Variants in PMM2 observed in about 807,000 individuals in gnomAD.
The protein encoded by PMM2 is phosphomannomutase 2.
In PMM2, 35 loss-of-function variants were observed where a neutral mutation model predicts 33.2. That is an observed-to-expected ratio of 1.06 (90% confidence interval 0.81 to 1.40). The LOEUF is 1.40. PMM2 is among the 40% of genes most tolerant of loss of function. The pLI is 0.00. For missense variants in PMM2, 386 were observed against 306.0 expected (o/e 1.26, Z -1.95); for synonymous variants, 153 against 114.7 (o/e 1.33, Z -2.13).
At chr16:8,827,849 A>ATGTTATATAT (rs2060783673) in intron 7 of PMM2, among the ~76,000 whole-genome samples, 1 of 61,434 alleles carries the variant, frequency 1.6e-5, no homozygotes, top group African/African-American at 6.2e-5. Context: ...ATAATATATA[A>ATGTTATATAT]TATATATGTT....
chr16:8,831,917 T>G, intron 7 of PMM2, among the ~76,000 whole-genome samples: 1 of 152,164 alleles, frequency 6.6e-6, no homozygotes, highest in Non-Finnish European at 1.5e-5. Flanking sequence ...CATTCTTCCC[T>G]CCCCCCTTCC....
intron 7 of PMM2, among the ~76,000 whole-genome samples, chr16:8,822,076 C>T (rs954322589): frequency 6.6e-6 from 1 of 152,158 alleles, no homozygotes; most frequent in Non-Finnish European, 1.5e-5. Context: ...TTTTATTATT[C>T]CTCAAATCAG....
At position 8,797,957 on chromosome 16, in the gene PMM2, C is replaced by T; in HGVS notation, c.66+9C>T. 6.3e-7 allele frequency: 1 copy of T among 1,596,040 alleles called. No homozygotes were observed. Among genetic ancestry groups the T allele is most frequent in the Non-Finnish European group, 8.5e-7 (1 of 1,172,374 alleles). The stretch of plus-strand genomic sequence containing the variant: ...TCACCGCCCCGCGGCAGGTAAGTGG[C>T]GGCCGGCGGGCTGCTGGCAGCCGAC... On this transcript the variant is annotated intron_variant, in intron 1 of 7. Coordinates refer to ENST00000268261, the MANE Select transcript of PMM2 (RefSeq NM_000303.3).
intron 7 of PMM2, among the ~76,000 whole-genome samples, chr16:8,821,787 G>A (rs868029968): frequency 6.6e-6 from 1 of 152,208 alleles, no homozygotes; most frequent in African/African-American, 2.4e-5. Context: ...CTCAGCCCTG[G>A]ATATATATTG....
chr16:8,829,735 C>G (rs141261937), intron 7 of PMM2, among the ~76,000 whole-genome samples: 6 of 152,174 alleles, frequency 3.9e-5, no homozygotes, highest in African/African-American at 1.2e-4. Flanking sequence ...CTTCTGCTGA[C>G]AAGTCCTTCA....
chr16:8,804,341 A>G (rs942360024), intron 2 of PMM2, among the ~76,000 whole-genome samples: 2 of 151,850 alleles, frequency 1.3e-5, no homozygotes, highest in African/African-American at 4.8e-5. Flanking sequence ...ACCGCACCCG[A>G]CCCAAAGAGC....
chr16:8,835,583 C>T (rs372302554), intron 7 of PMM2, among the ~76,000 whole-genome samples: 2 of 151,600 alleles, frequency 1.3e-5, no homozygotes, highest in African/African-American at 4.9e-5. Flanking sequence ...TTTGGCACCA[C>T]GGGGTGGATA....
intron 7 of PMM2, among the ~76,000 whole-genome samples, chr16:8,824,550 G>A (rs535932158): frequency 7.8e-4 from 118 of 152,184 alleles, no homozygotes; most frequent in Middle Eastern, 3.4e-3. Flanking sequence ...ATAGTTATAC[G>A]ACTATAAACC....
intron 7 of PMM2, chr16:8,832,482 ACTCGTGCCGTTAGG>A: frequency 2.0e-6 from 2 of 985,248 alleles, no homozygotes; most frequent in Non-Finnish European, 2.4e-6. Flanking sequence ...ACGGGAGGAG[ACTCGTGCCGTTAGG>A]CCTCTGTCCC....
chr16:8,827,895 TATGATA>T lies in PMM2; in HGVS notation c.639+14790_639+14795del, dbSNP rs1286467438. ...TATATGTTATATAATATATGATATATATGATATATATTATATATATTATGTTTTATA... is the reference window on the plus strand; with the variant it reads ...TATATGTTATATAATATATGATATATTATATTATATATATTATGTTTTATA... On this transcript the variant is annotated intron_variant, in intron 7 of 7. Coordinates refer to ENST00000268261, the MANE Select transcript of PMM2 (RefSeq NM_000303.3). Among the ~76,000 whole-genome samples, 743 of 103,898 alleles carry T rather than the reference TATGATA, an allele frequency of 7.2e-3. 1 individual carries two copies. The highest frequency in any genetic ancestry group is 0.01 in the Non-Finnish European group (527 of 51,788). 68.2% of individuals were successfully genotyped at this position (103,898 alleles called of 152,430 possible).
At chr16:8,845,995 C>T (rs1273022589) in intron 7 of PMM2, among the ~76,000 whole-genome samples, 1 of 152,116 alleles carries the variant, frequency 6.6e-6, no homozygotes, top group African/African-American at 2.4e-5. Context: ...GTGTAGGTAG[C>T]AGATGGTGGC....
intron 7 of PMM2, among the ~76,000 whole-genome samples, chr16:8,837,090 A>G (rs1216747835): frequency 4.6e-5 from 7 of 151,846 alleles, no homozygotes; most frequent in African/African-American, 1.7e-4. Flanking sequence ...GTCTGTAGAA[A>G]AGGAATATTA....
At chr16:8,827,471 C>G (rs1379531260) in intron 7 of PMM2, among the ~76,000 whole-genome samples, 1 of 150,466 alleles carries the variant, frequency 6.6e-6, no homozygotes, top group African/African-American at 2.4e-5. Context: ...TCTAAGCTCA[C>G]TGCAGCCTCT....
chr16:8,807,163 ATTTTT>A (rs34373172), intron 4 of PMM2: 2 of 141,360 alleles, frequency 1.4e-5, no homozygotes, highest in East Asian at 4.2e-4. Flanking sequence ...TGCCCAGCTA[ATTTTT>A]TTTTTTTTTT....
At chr16:8,837,181 G>C (rs1317619431) in intron 7 of PMM2, among the ~76,000 whole-genome samples, 1 of 151,942 alleles carries the variant, frequency 6.6e-6, no homozygotes, top group African/African-American at 2.4e-5. Context: ...GAGTTGCACT[G>C]GGCACAGAGA....
intron 7 of PMM2, among the ~76,000 whole-genome samples, chr16:8,828,508 G>T (rs2060791461): frequency 6.6e-6 from 1 of 152,100 alleles, no homozygotes; most frequent in African/African-American, 2.4e-5. Context: ...AATTCTTAAG[G>T]CTAGACATGA....
chr16:8,801,355 G>C (rs1471136217), intron 1 of PMM2, among the ~76,000 whole-genome samples: 2 of 152,196 alleles, frequency 1.3e-5, no homozygotes, highest in African/African-American at 2.4e-5. Context: ...ACTATGTACA[G>C]AGCTGGTAAC....
chr16:8,847,743 T>G lies in PMM2; in HGVS notation c.659T>G (p.Ile220Ser). The G allele has an allele frequency of 6.2e-7, 1 of 1,613,846 alleles. No individual in the cohort carries two copies. The highest frequency in any genetic ancestry group is 2.2e-5 in the East Asian group (1 of 44,884). The change falls in exon 8 of 8, where the codon ATC becomes AGC. Residue 220 changes from isoleucine to serine, a missense_variant. Physicochemically the swap from Ile to Ser is moderately radical, Grantham distance 142. Transcript: ENST00000268261. ...KTMPGGNDHE[I>S]FTDPRTMGYS... ...TTCCAGGGTGGCAATGACCATGAGA[T>G]CTTCACAGACCCCAGAACCATGGGC...
chr16:8,844,992 A>G (rs1016997347), intron 7 of PMM2, among the ~76,000 whole-genome samples: 5 of 152,352 alleles, frequency 3.3e-5, no homozygotes, highest in Admixed American at 6.5e-5. Context: ...TTGATCTCCC[A>G]AGGGAGGTCT....
Sources: gnomAD v4.1 joint callset for allele counts (sites outside exome capture counted in the v4.1 genomes callset) on GRCh38, gnomAD v4.1.1 for gene constraint, MANE v1.5 for transcripts, NCBI Gene and HGNC (gene_info 2026-07-23, HGNC 2026-07-21) for gene names.